Variants in GOLGA8A observed in about 807,000 individuals in gnomAD.
GOLGA8A encodes the protein golgin subfamily A member 8A.
GOLGA8A carries 3 observed loss-of-function variants against 22.1 expected under a neutral mutation model. That is an observed-to-expected ratio of 0.14 (90% CI 0.06 to 0.35). The LOEUF (loss-of-function observed/expected upper bound fraction) is 0.35. Ranked by LOEUF, GOLGA8A falls within the 10% of genes least tolerant of loss-of-function variation. The probability of loss-of-function intolerance (pLI) is 1.00; values close to 1 mark genes in which losing one functional copy is unlikely to be tolerated. For missense variants in GOLGA8A, 16 were observed against 233.2 expected, an observed-to-expected ratio of 0.07 and a Z score of 6.07; for synonymous variants, 7 against 91.7, an observed-to-expected ratio of 0.08 and a Z score of 5.28.
In GOLGA8A at chr15:34,421,946, C is replaced by T. The variant is rs1276438145; in HGVS notation, c.-1123+13437G>A. Among the ~76,000 whole-genome samples the T allele has an allele frequency of 3.0e-5, 4 of 133,886 alleles. 1 individual carries two copies. The highest frequency in any genetic ancestry group is 4.8e-5 in the Non-Finnish European group (3 of 62,116). The allele number at this position is 133,886 out of a possible 152,430, so 87.8% of individuals were successfully genotyped here. ...GGAGGCAAGGTTCCAGACAAATACA[C>T]CCAGTAGACAGTTAAAGATTTCAGA... On this transcript the variant is annotated intron_variant, in intron 2 of 24. Transcript: ENST00000359187.
Position 34,380,392 on chromosome 15 carries a change from T to G in GOLGA8A, c.*1019A>C, listed in dbSNP as rs879264451. 3.9e-4 allele frequency: 59 copies of G among 152,252 alleles called. No homozygotes were observed. The highest frequency in any genetic ancestry group is 7.5e-4 in the African/African-American group (31 of 41,516). 9.4% of individuals were successfully genotyped at this position (152,252 alleles called of 1,614,324 possible). ...AGAGACATTTAAACTCTTAAAGGAT[T>G]TCTTATGATCTTCACTAAATACATT... is the stretch of plus-strand genomic sequence containing the variant. On this transcript the variant is annotated 3_prime_UTR_variant, in exon 25 of 25. Transcript: ENST00000359187.
chr15:34,400,665 A>T (rs1892024896), intron 6 of GOLGA8A, 47 bp downstream of exon 6: 1 of 145,958 alleles, frequency 6.9e-6, no homozygotes, highest in African/African-American at 2.5e-5. Context: ...GTTACCCCGT[A>T]TGAATCCATA....
intron 2 of GOLGA8A, among the ~76,000 whole-genome samples, chr15:34,425,388 TAAA>T (rs72034325): frequency 2.3e-5 from 3 of 129,336 alleles, no homozygotes; most frequent in Admixed American, 7.9e-5. Context: ...TGGAATCCTA[TAAA>T]AAAAAAAAAA....
intron 2 of GOLGA8A, among the ~76,000 whole-genome samples, chr15:34,432,648 G>A (rs184244026): frequency 1.3e-5 from 2 of 149,386 alleles, no homozygotes; most frequent in Non-Finnish European, 3.0e-5. Context: ...TTAAATGTTG[G>A]AGTGTTTCCG....
chr15:34,380,377 A>C lies in GOLGA8A; in HGVS notation c.*1034T>G, dbSNP rs1343386464. 2 of 152,224 alleles carry C rather than the reference A, an allele frequency of 1.3e-5. No homozygotes were observed. The highest frequency in any genetic ancestry group is 4.8e-5 in the African/African-American group (2 of 41,458). 9.4% of individuals were successfully genotyped at this position (152,224 alleles called of 1,614,324 possible). On this transcript the variant is annotated 3_prime_UTR_variant, in exon 25 of 25. Transcript: ENST00000359187. ...CTGTATGCCTGTTTCAGAGACATTTAAACTCTTAAAGGATTTCTTATGATC... is the reference window on the plus strand; with the variant it reads ...CTGTATGCCTGTTTCAGAGACATTTCAACTCTTAAAGGATTTCTTATGATC...
intron 2 of GOLGA8A, among the ~76,000 whole-genome samples, chr15:34,431,933 T>C (rs1449757315): frequency 6.7e-6 from 1 of 149,052 alleles, no homozygotes; most frequent in African/African-American, 2.5e-5. Flanking sequence ...AACAATGTCA[T>C]GTGATGCATG....
chr15:34,420,779 G>A (rs116069897), intron 2 of GOLGA8A, among the ~76,000 whole-genome samples: 12,697 of 128,332 alleles, frequency 0.099, 1,017 homozygotes, highest in South Asian at 0.27. Flanking sequence ...CACACGGAGT[G>A]GCTCAGGTGC....
chr15:34,424,405 C>T (rs1225612286), intron 2 of GOLGA8A, among the ~76,000 whole-genome samples: 3 of 139,800 alleles, frequency 2.1e-5, no homozygotes, highest in African/African-American at 7.9e-5. Context: ...AAAGAAAGGT[C>T]GACGATGGCA....
rs1241093639 is a variant in GOLGA8A at position 34,435,515 on chromosome 15, G to A, written c.-1211-44C>T. ...TTTAAAGTTTAGAGTTACTTAAGAA[G>A]GTTATGTAAACAAGTTAACCAGCAA... On this transcript the variant is annotated intron_variant, in intron 1 of 24. Coordinates refer to ENST00000359187, the MANE Select transcript of GOLGA8A (RefSeq NM_181077.5). 2 of 148,770 alleles carry A rather than the reference G, an allele frequency of 1.3e-5. 1 individual carries two copies. The highest frequency in any genetic ancestry group is 5.0e-5 in the African/African-American group (2 of 40,268). 9.2% of individuals were successfully genotyped at this position (148,770 alleles called of 1,614,324 possible).
chr15:34,434,464 T>C (rs1893401782), intron 2 of GOLGA8A, among the ~76,000 whole-genome samples: 1 of 149,170 alleles, frequency 6.7e-6, no homozygotes, highest in Non-Finnish European at 1.5e-5. Context: ...CTCCCTTGTG[T>C]GTCTGGACAG....
chr15:34,412,559 C>G (rs1379672496), intron 2 of GOLGA8A, among the ~76,000 whole-genome samples: 3 of 146,392 alleles, frequency 2.0e-5, no homozygotes, highest in African/African-American at 2.5e-5. Flanking sequence ...TCTCATCAGC[C>G]TCTGTCCTTC....
At position 34,434,090 on chromosome 15, in the gene GOLGA8A, C is replaced by T. The variant is rs1191640934; in HGVS notation, c.-1123+1293G>A. 2.0e-5 allele frequency among the ~76,000 whole-genome samples: 3 copies of T among 149,296 alleles called. 1 individual carries two copies. In the East Asian group the frequency reaches 5.9e-4, roughly 29 times the overall value. The stretch of plus-strand genomic sequence containing the variant: ...TTAGGATCTCCGGGATGGACATGGG[C>T]CAAGATGACAGGTGGGGATGGGGTG... On this transcript the variant is annotated intron_variant, in intron 2 of 24. Transcript: ENST00000359187.
chr15:34,426,942 A>G (rs147498577), intron 2 of GOLGA8A, among the ~76,000 whole-genome samples: 5,021 of 133,558 alleles, frequency 0.038, 363 homozygotes, highest in African/African-American at 0.066. Context: ...GGTGGGGAGC[A>G]CTGCCCCTCA....
In GOLGA8A at chr15:34,437,437, TC is replaced by T. The variant is rs1374895736; in HGVS notation, c.-1252del. On this transcript the variant is annotated 5_prime_UTR_variant, in exon 1 of 25. Transcript: ENST00000359187. ...GGGCTGCCCCGGTCCGCCGCCGTCC[TC>T]GCCGCGCCGCCGTCCTCGCCGCGCC... The T allele has an allele frequency of 2.9e-5, 4 of 137,242 alleles. No individual in the cohort carries two copies. The highest frequency in any genetic ancestry group is 7.2e-5 in the Admixed American group (1 of 13,852). 8.5% of individuals were successfully genotyped at this position (137,242 alleles called of 1,614,324 possible).
chr15:34,412,906 C>T (rs1200411123), intron 2 of GOLGA8A, among the ~76,000 whole-genome samples: 8 of 105,292 alleles, frequency 7.6e-5, no homozygotes, highest in African/African-American at 2.0e-4. Flanking sequence ...ATGGATAAAC[C>T]TTGAGGACAT....
In GOLGA8A at chr15:34,436,809, C is replaced by A. The variant is rs573750452; in HGVS notation, c.-1212+589G>T. On this transcript the variant is annotated intron_variant, in intron 1 of 24. Transcript: ENST00000359187. ...GCCCTGCAGAGGCGCAGGTCCGCAC[C>A]GTGCCCCCAACCCGGCGCCTGCAGC... Among the ~76,000 whole-genome samples the A allele has an allele frequency of 9.3e-5, 14 of 149,962 alleles. 1 individual carries two copies. The highest frequency in any genetic ancestry group is 2.9e-4 in the African/African-American group (12 of 40,814).
At chr15:34,436,858 T>C (rs1345983516) in intron 1 of GOLGA8A, among the ~76,000 whole-genome samples, 1 of 149,722 alleles carries the variant, frequency 6.7e-6, no homozygotes, top group African/African-American at 2.5e-5. Context: ...GGTGTGGGGT[T>C]TTTGAGTTTT....
At position 34,435,183 on chromosome 15, in the gene GOLGA8A, C is replaced by T. The variant is rs373600678; in HGVS notation, c.-1123+200G>A. 3.0e-4 allele frequency among the ~76,000 whole-genome samples: 45 copies of T among 149,346 alleles called. 4 individuals carry two copies. The South Asian group carries it at 9.0e-3, about 30-fold the overall frequency. ...TGAGGCCTGGAGGGGGCCTCTGCAG[C>T]CAGGCTCAACCCCCACTCTCCCCAC... On this transcript the variant is annotated intron_variant, in intron 2 of 24. Transcript: ENST00000359187.
intron 2 of GOLGA8A, among the ~76,000 whole-genome samples, chr15:34,423,324 C>T (rs1296470872): frequency 6.4e-5 from 5 of 77,896 alleles, no homozygotes; most frequent in South Asian, 4.7e-4. Flanking sequence ...CAGTCCCAAG[C>T]CCCGAGCATC....
Sources: allele counts gnomAD v4.1 joint callset (sites outside exome capture counted in the v4.1 genomes callset), GRCh38; gene constraint gnomAD v4.1.1; transcripts MANE v1.5; gene names NCBI Gene and HGNC (gene_info 2026-07-23, HGNC 2026-07-21).